GATB: variants seen among roughly 807,000 people sequenced by gnomAD.
GATB encodes the protein glutamyl-tRNA amidotransferase subunit B, also known as glutamyl-tRNA(Gln) amidotransferase subunit B, mitochondrial.
GATB carries 39 observed loss-of-function variants against 62.3 expected under a neutral mutation model. That is an observed-to-expected ratio of 0.63 (90% CI 0.48 to 0.82). The LOEUF (loss-of-function observed/expected upper bound fraction) is 0.82. Among genes scored for constraint, GATB ranks in the 40% least tolerant of loss-of-function variants. The probability of loss-of-function intolerance (pLI) is 0.00; values close to 1 mark genes in which losing one functional copy is unlikely to be tolerated. For synonymous variants in GATB, 276 were observed against 258.9 expected (o/e 1.07, Z -0.63); for missense variants, 670 against 684.0 (o/e 0.98, Z 0.23).
intron 2 of GATB, among the ~76,000 whole-genome samples, chr4:151,744,915 T>C (rs1739566354): frequency 6.6e-6 from 1 of 152,172 alleles, no homozygotes; most frequent in Non-Finnish European, 1.5e-5. Context: ...AAAGGAACAT[T>C]CCACATTTGT....
At chr4:151,744,041 T>C (rs1429375523) in intron 2 of GATB, among the ~76,000 whole-genome samples, 4 of 152,212 alleles carry the variant, frequency 2.6e-5, no homozygotes, top group Admixed American at 2.0e-4. Context: ...AGCCATTTAC[T>C]GTAGGATCAA....
At chr4:151,734,524 A>G (rs1260157601) in intron 2 of GATB, among the ~76,000 whole-genome samples, 1 of 152,210 alleles carries the variant, frequency 6.6e-6, no homozygotes, top group Non-Finnish European at 1.5e-5. Flanking sequence ...TAGTGCCAAA[A>G]GCAATCTAAA....
chr4:151,721,596 G>C (rs1269901545), intron 2 of GATB: 1 of 152,494 alleles, frequency 6.6e-6, no homozygotes, highest in Non-Finnish European at 1.5e-5. Context: ...TCCCGACCCT[G>C]GGCTTTGCTC....
At position 151,670,627 on chromosome 4, in the gene GATB, C is replaced by CT. The variant is rs1286090155; in HGVS notation, c.*546dup. 6.6e-6 allele frequency: 1 copy of CT among 152,290 alleles called. No individual in the cohort carries two copies. Among genetic ancestry groups the CT allele is most frequent in the African/African-American group, 2.4e-5 (1 of 41,446 alleles). 9.4% of individuals were successfully genotyped at this position (152,290 alleles called of 1,614,324 possible). A position where few individuals can be genotyped will look rare whatever the true frequency, so the allele number is the denominator to read the frequency against. On this transcript the variant is annotated 3_prime_UTR_variant, in exon 13 of 13. Transcript: ENST00000263985. ...TAATAATATCCTCCTTCCCCACCCT[C>CT]TTGAGACCTCCTTAAACAAACAAAT...
At chr4:151,681,451 AAAACCTACCTTTACT>A (rs1263012036) in intron 10 of GATB, among the ~76,000 whole-genome samples, 4 of 152,212 alleles carry the variant, frequency 2.6e-5, no homozygotes, top group African/African-American at 9.7e-5. Context: ...ACAAACTAAA[AAAACCTACCTTTACT>A]AACAAGTAAA....
chr4:151,707,102 A>G (rs1738729404), intron 6 of GATB, among the ~76,000 whole-genome samples: 1 of 152,252 alleles, frequency 6.6e-6, no homozygotes, highest in Non-Finnish European at 1.5e-5. Flanking sequence ...AAGAATATAA[A>G]AAGCAGGAAA....
At position 151,685,922 on chromosome 4, in the gene GATB, G is replaced by A. The variant is rs529469590; in HGVS notation, c.1331+2708C>T. 4.0e-3 allele frequency among the ~76,000 whole-genome samples: 605 copies of A among 152,246 alleles called. 17 individuals are homozygous for A. Among genetic ancestry groups the A allele is most frequent in the Non-Finnish European group, 7.1e-4 (48 of 68,012 alleles). ...ACAAAAATTAGCTGGGTGTGGTGGC[G>A]GGTGCTTGTAATCTCAGCTACTCAG... On this transcript the variant is annotated intron_variant, in intron 10 of 12. Transcript: ENST00000263985.
intron 9 of GATB, among the ~76,000 whole-genome samples, chr4:151,697,983 A>ATATATATATG (rs1738521453): frequency 2.2e-5 from 3 of 133,538 alleles, no homozygotes; most frequent in African/African-American, 9.1e-5. Flanking sequence ...ATATATATAT[A>ATATATATATG]TATATATATA....
chr4:151,722,517 A>C (rs1254030929), intron 2 of GATB: 1 of 361,222 alleles, frequency 2.8e-6, no homozygotes, highest in Non-Finnish European at 5.0e-6. Flanking sequence ...TCCCCCCACA[A>C]CACCTCTGCT....
intron 7 of GATB, among the ~76,000 whole-genome samples, chr4:151,704,526 T>C (rs1343505447): frequency 4.0e-5 from 6 of 151,854 alleles, no homozygotes; most frequent in Non-Finnish European, 8.8e-5. Context: ...CTATCTCGGC[T>C]CACTGCAAGC....
intron 9 of GATB, among the ~76,000 whole-genome samples, chr4:151,689,016 A>G (rs375829780): frequency 1.1e-4 from 16 of 152,178 alleles, no homozygotes; most frequent in African/African-American, 3.9e-4. Context: ...GACTTTGCAG[A>G]CCAGAGGGAT....
intron 5 of GATB, among the ~76,000 whole-genome samples, chr4:151,714,210 T>C (rs984156721): frequency 7.2e-5 from 11 of 152,184 alleles, no homozygotes; most frequent in African/African-American, 2.4e-4. Context: ...TATCAGGAAC[T>C]CACAGAACCA....
intron 2 of GATB, chr4:151,721,884 A>T: frequency 2.8e-6 from 1 of 361,126 alleles, no homozygotes; most frequent in Non-Finnish European, 4.9e-6. Flanking sequence ...TGTGCACACA[A>T]GCGCACGGGC....
At chr4:151,742,177 AT>A (rs1739504037) in intron 2 of GATB, among the ~76,000 whole-genome samples, 1 of 149,350 alleles carries the variant, frequency 6.7e-6, no homozygotes, top group South Asian at 2.1e-4. Context: ...CAAGCTCTGC[AT>A]CCCCGGTCCA....
At chr4:151,740,803 T>C (rs1022276236) in intron 2 of GATB, among the ~76,000 whole-genome samples, 28 of 152,208 alleles carry the variant, frequency 1.8e-4, no homozygotes, top group African/African-American at 5.8e-4. Flanking sequence ...CCCAGCTGCA[T>C]GATTTCAGGC....
chr4:151,708,170 G>A (rs185602576), intron 5 of GATB, 69 bp from the exon 6 acceptor site: 85 of 1,040,314 alleles, frequency 8.2e-5, no homozygotes, highest in Non-Finnish European at 1.1e-4. Flanking sequence ...AAGGCAGGGA[G>A]TGTCAAAGGA....
rs576832479 is a variant in GATB at position 151,754,406 on chromosome 4, C to T, written c.327+4366G>A. Among the ~76,000 whole-genome samples, 634 of 152,286 alleles carry T rather than the reference C, an allele frequency of 4.2e-3. 4 individuals are homozygous for T. The highest frequency in any genetic ancestry group is 7.5e-3 in the Non-Finnish European group (510 of 68,028). On this transcript the variant is annotated intron_variant, in intron 2 of 12. Coordinates refer to ENST00000263985, the MANE Select transcript of GATB (RefSeq NM_004564.3). ...GCTCCTCAAGCACCTTGTATTTCCA[C>T]GACTAACATGTTTATTAAAAGGTAG... is the stretch of plus-strand genomic sequence containing the variant.
intron 2 of GATB, among the ~76,000 whole-genome samples, chr4:151,739,566 C>T (rs1016824434): frequency 2.6e-5 from 4 of 152,192 alleles, no homozygotes; most frequent in Admixed American, 6.5e-5. Context: ...AGCCAATGGC[C>T]TCAGATGACA....
chr4:151,697,507 A>G (rs367635403), intron 9 of GATB, among the ~76,000 whole-genome samples: 24 of 152,016 alleles, frequency 1.6e-4, no homozygotes, highest in African/African-American at 5.8e-4. Context: ...ACAAATACTT[A>G]CTGGGTATGA....
Sources: allele counts gnomAD v4.1 joint callset (sites outside exome capture counted in the v4.1 genomes callset), GRCh38; gene constraint gnomAD v4.1.1; transcripts MANE v1.5; gene names NCBI Gene and HGNC (gene_info 2026-07-23, HGNC 2026-07-21).